Variants in CSMD3 observed in about 807,000 individuals in gnomAD.
CSMD3 encodes the protein CUB and sushi domain-containing protein 3.
A neutral mutation model predicts 435.2 loss-of-function variants in CSMD3; 177 were observed. The ratio of observed to expected loss-of-function variants is 0.41; its 90% CI spans 0.36 to 0.46. The LOEUF is 0.46. CSMD3 is among the 20% of genes least tolerant of loss of function. The probability of loss-of-function intolerance (pLI) is 0.34; values close to 1 mark genes in which losing one functional copy is unlikely to be tolerated. For missense variants in CSMD3, 4,265 were observed against 4,504.6 expected (o/e 0.95, Z 1.52); for synonymous variants, 1,656 against 1,520.5 (o/e 1.09, Z -2.07).
chr8:112,287,006 T>A (rs2130631603), intron 58 of CSMD3, 58 bp downstream of exon 58: 1 of 1,398,648 alleles, frequency 7.1e-7, no homozygotes, highest in Admixed American at 1.7e-5. Context: ...CTCATCTGGA[T>A]TTAGATACAC....
At chr8:112,689,464 T>C (rs2131821687) in intron 14 of CSMD3, among the ~76,000 whole-genome samples, 1 of 152,178 alleles carries the variant, frequency 6.6e-6, no homozygotes, top group East Asian at 1.9e-4. Flanking sequence ...AATAAGTTAG[T>C]GCATTATACA....
intron 22 of CSMD3, among the ~76,000 whole-genome samples, chr8:112,630,769 A>G (rs961221180): frequency 8.5e-5 from 13 of 152,122 alleles, no homozygotes; most frequent in African/African-American, 3.1e-4. Flanking sequence ...GAGTGCAGAA[A>G]GAAAGGCTGA....
intron 2 of CSMD3, among the ~76,000 whole-genome samples, chr8:113,281,042 T>A (rs2093609442): frequency 6.6e-6 from 1 of 151,914 alleles, no homozygotes; most frequent in Admixed American, 6.6e-5. Context: ...TTTTAATTTT[T>A]TCTTTATTTA....
At chr8:112,415,396 A>G (rs1186444543) in intron 32 of CSMD3, among the ~76,000 whole-genome samples, 1 of 152,220 alleles carries the variant, frequency 6.6e-6, no homozygotes, top group Non-Finnish European at 1.5e-5. Context: ...GAGGTTTGGG[A>G]ACCTCTACCT....
intron 10 of CSMD3, among the ~76,000 whole-genome samples, chr8:112,901,188 G>A (rs980329611): frequency 1.3e-5 from 2 of 151,278 alleles, no homozygotes; most frequent in African/African-American, 4.8e-5. Flanking sequence ...CTTCAGATAT[G>A]AGGGGCAGTG....
At chr8:112,793,994 C>T (rs532450100) in intron 13 of CSMD3, among the ~76,000 whole-genome samples, 1 of 152,204 alleles carries the variant, frequency 6.6e-6, no homozygotes, top group South Asian at 2.1e-4. Flanking sequence ...AATTTAGTGA[C>T]AGAAACTGAA....
At chr8:113,034,073 G>A (rs1426673660) in intron 5 of CSMD3, among the ~76,000 whole-genome samples, 1 of 151,524 alleles carries the variant, frequency 6.6e-6, no homozygotes, top group African/African-American at 2.4e-5. Context: ...CATCCATGCA[G>A]AACTGTGAGT....
At chr8:112,679,334 C>A (rs1057331554) in intron 16 of CSMD3, among the ~76,000 whole-genome samples, 1 of 152,042 alleles carries the variant, frequency 6.6e-6, no homozygotes, top group Non-Finnish European at 1.5e-5. Context: ...CAAGGGCCAC[C>A]CTAAGATTGC....
chr8:113,080,997 A>C (rs1006532951), intron 5 of CSMD3, among the ~76,000 whole-genome samples: 6 of 152,194 alleles, frequency 3.9e-5, no homozygotes, highest in African/African-American at 1.2e-4. Flanking sequence ...TCCATATCTA[A>C]TATGAAAACA....
At chr8:112,284,942 C>T (rs1819028926) in intron 58 of CSMD3, among the ~76,000 whole-genome samples, 1 of 151,826 alleles carries the variant, frequency 6.6e-6, no homozygotes, top group African/African-American at 2.4e-5. Flanking sequence ...GAAAATGATA[C>T]CTTAATATTT....
intron 2 of CSMD3, among the ~76,000 whole-genome samples, chr8:113,280,697 C>A (rs914571034): frequency 2.6e-5 from 4 of 151,610 alleles, no homozygotes; most frequent in Non-Finnish European, 5.9e-5. Context: ...CTTCTACCGG[C>A]TTTGGTTTGG....
intron 10 of CSMD3, among the ~76,000 whole-genome samples, chr8:112,910,757 C>A (rs1050342799): frequency 5.9e-5 from 9 of 151,900 alleles, no homozygotes; most frequent in African/African-American, 2.2e-4. Context: ...GCTTCAGAGG[C>A]AAGCTTCCAC....
intron 12 of CSMD3, among the ~76,000 whole-genome samples, chr8:112,807,092 G>A (rs1213929053): frequency 6.6e-6 from 1 of 152,162 alleles, no homozygotes; most frequent in Non-Finnish European, 1.5e-5. Flanking sequence ...GCACAGAACA[G>A]TCTGTGTACC....
chr8:112,370,421 C>G (rs556230596), intron 38 of CSMD3, among the ~76,000 whole-genome samples: 1 of 152,300 alleles, frequency 6.6e-6, no homozygotes, highest in Non-Finnish European at 1.5e-5. Flanking sequence ...TTCCTCTGCT[C>G]AAATCTCCCT....
chr8:112,270,359 T>TGTGTGTGTGTGTGTGTGTTAGGGGTGA lies in CSMD3; in HGVS notation c.9509-4770_9509-4769insTCACCCCTAACACACACACACACACAC, dbSNP rs1554622997. Among the ~76,000 whole-genome samples the TGTGTGTGTGTGTGTGTGTTAGGGGTGA allele has an allele frequency of 7.4e-3, 972 of 130,918 alleles. 12 individuals are homozygous for TGTGTGTGTGTGTGTGTGTTAGGGGTGA. The highest frequency in any genetic ancestry group is 0.015 in the East Asian group (71 of 4,660). 85.9% of individuals were successfully genotyped at this position (130,918 alleles called of 152,430 possible). ...AGAGGGGTGAGTGTGTGTGTGTGTG[T>TGTGTGTGTGTGTGTGTGTTAGGGGTGA]GTGTGTGTGTGTGTGTGTGTGTGTG... On this transcript the variant is annotated intron_variant, in intron 59 of 70. Coordinates refer to ENST00000297405, the MANE Select transcript of CSMD3 (RefSeq NM_198123.2).
chr8:112,450,365 T>C (rs769241748), intron 32 of CSMD3, among the ~76,000 whole-genome samples: 13 of 152,214 alleles, frequency 8.5e-5, no homozygotes, highest in Non-Finnish European at 1.6e-4. Flanking sequence ...CACAAATAGT[T>C]TGATCCACCA....
At chr8:112,582,318 G>A (rs1246310580) in intron 23 of CSMD3, among the ~76,000 whole-genome samples, 1 of 151,918 alleles carries the variant, frequency 6.6e-6, no homozygotes, top group African/African-American at 2.4e-5. Context: ...TGATGTTGGT[G>A]CCATGTTTGT....
chr8:112,586,977 C>T (rs1485033406), intron 23 of CSMD3, 89 bp downstream of exon 23: 2 of 841,050 alleles, frequency 2.4e-6, no homozygotes, highest in African/African-American at 1.7e-5. Flanking sequence ...TATACATACA[C>T]ATATATATAT....
chr8:113,226,417 G>T (rs531400221), intron 3 of CSMD3, among the ~76,000 whole-genome samples: 4 of 151,454 alleles, frequency 2.6e-5, no homozygotes, highest in African/African-American at 9.7e-5. Context: ...TAGATATACT[G>T]CAATCCTATC....
Sources: gnomAD v4.1 joint callset for allele counts (sites outside exome capture counted in the v4.1 genomes callset) on GRCh38, gnomAD v4.1.1 for gene constraint, MANE v1.5 for transcripts, NCBI Gene and HGNC (gene_info 2026-07-23, HGNC 2026-07-21) for gene names.